STAT4: variants seen among roughly 807,000 people sequenced by gnomAD.
STAT4 encodes the protein signal transducer and activator of transcription 4.
Under a neutral mutation model 110.5 loss-of-function variants are expected in STAT4, and 42 were observed. The ratio of observed to expected loss-of-function variants is 0.38; its 90% CI spans 0.30 to 0.49. STAT4 has a LOEUF of 0.49. Among genes scored for constraint, STAT4 ranks in the 20% least tolerant of loss-of-function variants. The pLI, the probability that STAT4 is intolerant of heterozygous loss-of-function variation, is 0.95. For missense variants in STAT4, 632 were observed against 887.9 expected (o/e 0.71, Z 3.66); for synonymous variants, 284 against 302.2 (o/e 0.94, Z 0.63).
At position 191,136,017 on chromosome 2, in the gene STAT4, A is replaced by AC. The variant is rs199748050; in HGVS notation, c.273+10595_273+10596insG. 3.2e-3 allele frequency among the ~76,000 whole-genome samples: 410 copies of AC among 127,838 alleles called. 7 individuals are homozygous for AC. Among genetic ancestry groups the AC allele is most frequent in the African/African-American group, 0.011 (382 of 34,396 alleles). The allele number at this position is 127,838 out of a possible 152,430, so 83.9% of individuals were successfully genotyped here. On this transcript the variant is annotated intron_variant, in intron 3 of 23. Transcript: ENST00000392320. ...CAACAGCATCTCAGAAAAAAAAAAA[A>AC]AAAAACCAAAAAACAAAAAACCAAT...
rs776398340 is a variant in STAT4 at position 191,143,348 on chromosome 2, A to G, written c.273+3265T>C. ...GATTGCCCCTTACACTGCTGAGGAA[A>G]CTGAGGCCAGAGTGTGTGAATATCT... On this transcript the variant is annotated intron_variant, in intron 3 of 23. Transcript: ENST00000392320. This position sits in a 1 kb window ranked among gnomAD's most constrained non-coding sequence, Gnocchi z 5.6. 1.3e-5 allele frequency among the ~76,000 whole-genome samples: 2 copies of G among 152,142 alleles called. No homozygotes were observed. Among genetic ancestry groups the G allele is most frequent in the Non-Finnish European group, 2.9e-5 (2 of 68,034 alleles).
chr2:191,124,098 G>A (rs112946703), intron 3 of STAT4, among the ~76,000 whole-genome samples: 28 of 151,862 alleles, frequency 1.8e-4, no homozygotes, highest in African/African-American at 6.5e-4. Flanking sequence ...CATTTAGTTA[G>A]GAATATTCAT....
In STAT4 at chr2:191,146,607, T is replaced by C. The variant is rs1699466734; in HGVS notation, c.273+6A>G. 2.0e-6 allele frequency: 3 copies of C among 1,513,584 alleles called. No homozygotes were observed. The highest frequency in any genetic ancestry group is 2.6e-6 in the Non-Finnish European group (3 of 1,132,724). The allele number at this position is 1,513,584 out of a possible 1,614,324, so 93.8% of individuals were successfully genotyped here. Reference sequence around the variant, plus strand: ...AATATTTTGGAAAAGTAGAATGCATTCTTACCTGAAGGACCTTCCTAATTC... The same window carrying C: ...AATATTTTGGAAAAGTAGAATGCATCCTTACCTGAAGGACCTTCCTAATTC... On this transcript the variant is annotated splice_donor_region_variant and intron_variant, in intron 3 of 23. Coordinates refer to ENST00000392320, the MANE Select transcript of STAT4 (RefSeq NM_003151.4). The surrounding 1 kb of genome is among the most constrained non-coding windows in gnomAD (Gnocchi z 4.5).
At chr2:191,141,357 G>A (rs1487292262) in intron 3 of STAT4, among the ~76,000 whole-genome samples, 4 of 149,434 alleles carry the variant, frequency 2.7e-5, no homozygotes, top group Admixed American at 6.7e-5. Context: ...TCTTACCCCC[G>A]TTAAAATGGT....
chr2:191,074,646 A>G (rs544138361), intron 4 of STAT4, among the ~76,000 whole-genome samples: 1 of 152,346 alleles, frequency 6.6e-6, no homozygotes, highest in South Asian at 2.1e-4. Context: ...CTGAGAATAC[A>G]TGTGAGAATA....
Position 191,142,436 on chromosome 2 carries a change from A to G in STAT4, c.273+4177T>C, listed in dbSNP as rs766140998. Among the ~76,000 whole-genome samples, 3 of 152,150 alleles carry G rather than the reference A, an allele frequency of 2.0e-5. No homozygotes were observed. Among genetic ancestry groups the G allele is most frequent in the Admixed American group, 6.5e-5 (1 of 15,270 alleles). On this transcript the variant is annotated intron_variant, in intron 3 of 23. Coordinates refer to ENST00000392320, the MANE Select transcript of STAT4 (RefSeq NM_003151.4). This position sits in a 1 kb window ranked among gnomAD's most constrained non-coding sequence, Gnocchi z 4.1. ...ATCTCATGGAGGTAAAGAGTAGAAT[A>G]TAGATACCAGAGGCTGGGAAGGGTG... is the stretch of plus-strand genomic sequence containing the variant.
chr2:191,136,219 GAGGCATAGA>G (rs1200381177), intron 3 of STAT4, among the ~76,000 whole-genome samples: 3 of 152,140 alleles, frequency 2.0e-5, no homozygotes, highest in African/African-American at 7.2e-5. Context: ...CTCAACAAAT[GAGGCATAGA>G]AGGAATATAC....
chr2:191,036,867 T>G (rs1041469019), intron 16 of STAT4, among the ~76,000 whole-genome samples: 2 of 152,204 alleles, frequency 1.3e-5, no homozygotes, highest in Non-Finnish European at 2.9e-5. Context: ...TATATAGGAT[T>G]CCTAATTTAA....
intron 3 of STAT4, among the ~76,000 whole-genome samples, chr2:191,139,719 C>T (rs4853545): frequency 0.5 from 75,895 of 152,064 alleles, 22,022 homozygotes; most frequent in South Asian, 0.62. Flanking sequence ...CATCAAAATA[C>T]CATCATCATT....
At position 191,058,591 on chromosome 2, in the gene STAT4, T is replaced by C; in HGVS notation, c.1094+119A>G. On this transcript the variant is annotated intron_variant, in intron 11 of 23. Coordinates refer to ENST00000392320, the MANE Select transcript of STAT4 (RefSeq NM_003151.4). This position sits in a 1 kb window ranked among gnomAD's most constrained non-coding sequence, Gnocchi z 4.3. ...AAGTCAAATATTTGAAGTACATTCA[T>C]TATATAATGTTAGATAAGTAAATTT... is the stretch of plus-strand genomic sequence containing the variant. The C allele has an allele frequency of 1.5e-6, 1 of 665,800 alleles. No homozygotes were observed. The highest frequency in any genetic ancestry group is 1.9e-5 in the South Asian group (1 of 52,182). The allele number at this position is 665,800 out of a possible 1,614,324, so 41.2% of individuals were successfully genotyped here. A position where few individuals can be genotyped will look rare whatever the true frequency, so the allele number is the denominator to read the frequency against.
At chr2:191,130,694 G>A (rs968815408) in intron 3 of STAT4, among the ~76,000 whole-genome samples, 4 of 151,538 alleles carry the variant, frequency 2.6e-5, no homozygotes, top group African/African-American at 7.3e-5. Flanking sequence ...CTTAAATTTT[G>A]TTTTACAGGT....
At position 191,107,660 on chromosome 2, in the gene STAT4, T is replaced by C. The variant is rs1000881152; in HGVS notation, c.274-31335A>G. On this transcript the variant is annotated intron_variant, in intron 3 of 23. Coordinates refer to ENST00000392320, the MANE Select transcript of STAT4 (RefSeq NM_003151.4). This position sits in a 1 kb window ranked among gnomAD's most constrained non-coding sequence, Gnocchi z 4.2. ...CTGTGTCCATCTTTTGGTTTTGATA[T>C]AGTGTTTTGTTTGCAGGGTTAGCAA... Among the ~76,000 whole-genome samples the C allele has an allele frequency of 6.6e-6, 1 of 152,234 alleles. No individual in the cohort carries two copies. Among genetic ancestry groups the C allele is most frequent in the Non-Finnish European group, 1.5e-5 (1 of 68,038 alleles).
intron 14 of STAT4, among the ~76,000 whole-genome samples, chr2:191,052,050 C>A (rs1696540210): frequency 6.6e-6 from 1 of 152,192 alleles, no homozygotes; most frequent in Non-Finnish European, 1.5e-5. Flanking sequence ...GCAATAGCAA[C>A]TTTTTGAAAC....
rs544389008 is a variant in STAT4 at position 191,037,513 on chromosome 2, A to G, written c.1435-1214T>C. Among the ~76,000 whole-genome samples, 4 of 152,314 alleles carry G rather than the reference A, an allele frequency of 2.6e-5. No homozygotes were observed. The highest frequency in any genetic ancestry group is 5.9e-5 in the Non-Finnish European group (4 of 68,030). On this transcript the variant is annotated intron_variant, in intron 16 of 23. Coordinates refer to ENST00000392320, the MANE Select transcript of STAT4 (RefSeq NM_003151.4). This position sits in a 1 kb window ranked among gnomAD's most constrained non-coding sequence, Gnocchi z 4.8. ...CGAGATTGTGCCAGAAACCAGGTCA[A>G]CAATAGTGAAACATAAGACTCTGTC...
rs920485463 is a variant in STAT4 at position 191,082,992 on chromosome 2, C to G, written c.274-6667G>C. Among the ~76,000 whole-genome samples the G allele has an allele frequency of 6.6e-6, 1 of 152,096 alleles. No individual in the cohort carries two copies. The highest frequency in any genetic ancestry group is 2.4e-5 in the African/African-American group (1 of 41,404). On this transcript the variant is annotated intron_variant, in intron 3 of 23. Transcript: ENST00000392320. This position sits in a 1 kb window ranked among gnomAD's most constrained non-coding sequence, Gnocchi z 4.7. ...ATGTTCTCTGACTGTAGTGACCTGG[C>G]AACTGCAGGATGAGAATGATAGGTC...
At position 191,033,202 on chromosome 2, in the gene STAT4, G is replaced by T; in HGVS notation, c.1853-53C>A. 1.3e-6 allele frequency: 2 copies of T among 1,552,748 alleles called. No individual in the cohort carries two copies. Among genetic ancestry groups the T allele is most frequent in the South Asian group, 2.4e-5 (2 of 83,098 alleles). On this transcript the variant is annotated intron_variant, in intron 20 of 23. Coordinates refer to ENST00000392320, the MANE Select transcript of STAT4 (RefSeq NM_003151.4). The surrounding 1 kb of genome is among the most constrained non-coding windows in gnomAD (Gnocchi z 6.9). ...ACAGGTTCCTGTACACATTCCTTGT[G>T]ACCATTTCTTCCCTGCCCACATTAT...
Position 191,029,710 on chromosome 2 carries a change from T to G in STAT4, c.*130A>C. 1 of 842,246 alleles carries G rather than the reference T, an allele frequency of 1.2e-6. No individual in the cohort carries two copies. The highest frequency in any genetic ancestry group is 1.9e-6 in the Non-Finnish European group (1 of 517,812). The allele number at this position is 842,246 out of a possible 1,614,324, so 52.2% of individuals were successfully genotyped here. On this transcript the variant is annotated 3_prime_UTR_variant, in exon 24 of 24. Transcript: ENST00000392320. This position sits in a 1 kb window ranked among gnomAD's most constrained non-coding sequence, Gnocchi z 4.5. ...AGTGCCACGGGAGTGTGAAGAGAGC[T>G]TCAGATGTCAAACATTTCCTAGAAC...
At chr2:191,071,546 T>A (rs184255270) in intron 5 of STAT4, among the ~76,000 whole-genome samples, 1 of 152,210 alleles carries the variant, frequency 6.6e-6, no homozygotes, top group African/African-American at 2.4e-5. Context: ...CAATGCCAGA[T>A]CTCTGAAAAG....
rs1303192118 is a variant in STAT4 at position 191,113,160 on chromosome 2, T to C, written c.273+33453A>G. 6.6e-6 allele frequency among the ~76,000 whole-genome samples: 1 copy of C among 152,238 alleles called. No individual in the cohort carries two copies. The highest frequency in any genetic ancestry group is 2.4e-5 in the African/African-American group (1 of 41,468). On this transcript the variant is annotated intron_variant, in intron 3 of 23. Transcript: ENST00000392320. This position sits in a 1 kb window ranked among gnomAD's most constrained non-coding sequence, Gnocchi z 4.8. ...CTCACACCTTTGCTTATGAAGATCC[T>C]GCCCATACAATTACAGCCAGTGCTG...
Sources: gnomAD v4.1 joint callset for allele counts (sites outside exome capture counted in the v4.1 genomes callset) on GRCh38, gnomAD v4.1.1 for gene constraint, Gnocchi (gnomAD v3.1) non-coding constraint, MANE v1.5 for transcripts, NCBI Gene and HGNC (gene_info 2026-07-23, HGNC 2026-07-21) for gene names.